Variants in EML4 observed in about 807,000 individuals in gnomAD.
EML4 encodes echinoderm microtubule-associated protein-like 4.
EML4 carries 72 observed loss-of-function variants against 129.0 expected under a neutral mutation model. The ratio of observed to expected loss-of-function variants is 0.56; its 90% confidence interval spans 0.46 to 0.68. The LOEUF is 0.68. EML4 is among the 30% of genes least tolerant of loss of function. The pLI is 0.00. For missense variants in EML4, 1,363 were observed against 1,190.6 expected (o/e 1.14, Z -2.13); for synonymous variants, 532 against 405.0 (o/e 1.31, Z -3.77).
chr2:42,287,031 T>A (rs558106721), intron 10 of EML4, among the ~76,000 whole-genome samples: 13 of 152,340 alleles, frequency 8.5e-5, no homozygotes, highest in Admixed American at 2.6e-4. Flanking sequence ...CAGTCAACCT[T>A]CTATATTTTA....
At chr2:42,258,410 TA>T (rs1319971382) in intron 3 of EML4, among the ~76,000 whole-genome samples, 19 of 151,948 alleles carry the variant, frequency 1.3e-4, no homozygotes, top group East Asian at 7.7e-4. Context: ...TATATATATA[TA>T]TTTTTTGAGA....
At position 42,304,564 on chromosome 2, in the gene EML4, A is replaced by G. The variant is rs576912790; in HGVS notation, c.1967+13A>G. The G allele has an allele frequency of 3.1e-6, 5 of 1,599,530 alleles. No homozygotes were observed. The South Asian group carries it at 5.5e-5, about 18-fold the overall frequency. On this transcript the variant is annotated intron_variant, in intron 17 of 22. Transcript: ENST00000318522. ...CGCACTCAGGCAGGTAGGGTCTTTAAGTGAACTGAGTAATCTGAAGTGGTG... is the reference window on the plus strand; with the variant it reads ...CGCACTCAGGCAGGTAGGGTCTTTAGGTGAACTGAGTAATCTGAAGTGGTG...
chr2:42,206,557 C>G (rs1181516937), intron 1 of EML4, among the ~76,000 whole-genome samples: 1 of 152,146 alleles, frequency 6.6e-6, no homozygotes, highest in East Asian at 1.9e-4. Flanking sequence ...GTCGTCTTGC[C>G]TACTTTAATC....
chr2:42,294,386 T>C (rs1667828541), intron 11 of EML4, among the ~76,000 whole-genome samples: 2 of 152,222 alleles, frequency 1.3e-5, no homozygotes, highest in Non-Finnish European at 2.9e-5. Flanking sequence ...ATCTCTAAAT[T>C]AGTCCTAATC....
At chr2:42,276,399 C>G (rs1274822266) in intron 6 of EML4, among the ~76,000 whole-genome samples, 2 of 152,144 alleles carry the variant, frequency 1.3e-5, no homozygotes, top group African/African-American at 2.4e-5. Context: ...TGTCCCCACC[C>G]TCAGTCATCA....
intron 6 of EML4, 60 bp from the exon 7 acceptor site, chr2:42,280,790 A>C: frequency 4.5e-6 from 6 of 1,333,666 alleles, no homozygotes; most frequent in Non-Finnish European, 6.2e-6. Flanking sequence ...TTAATAATCC[A>C]CTTTTGTATG....
chr2:42,229,716 A>G (rs535318764), intron 1 of EML4, among the ~76,000 whole-genome samples: 1 of 152,252 alleles, frequency 6.6e-6, no homozygotes, highest in South Asian at 2.1e-4. Context: ...AAAAAATAGT[A>G]AGAGGAAAAC....
intron 1 of EML4, among the ~76,000 whole-genome samples, chr2:42,199,707 C>T (rs909922354): frequency 6.6e-6 from 1 of 152,106 alleles, no homozygotes; most frequent in Non-Finnish European, 1.5e-5. Flanking sequence ...AAATAAGAAG[C>T]ATTGCAAATG....
chr2:42,278,573 C>CAAAAAAAA (rs35916382), intron 6 of EML4, among the ~76,000 whole-genome samples: 2 of 54,286 alleles, frequency 3.7e-5, no homozygotes, highest in Non-Finnish European at 6.4e-5. Context: ...GACTCCATCT[C>CAAAAAAAA]AAAAAAAAAA....
intron 1 of EML4, among the ~76,000 whole-genome samples, chr2:42,176,317 A>G (rs1053945064): frequency 6.6e-5 from 10 of 152,154 alleles, no homozygotes; most frequent in African/African-American, 2.2e-4. Flanking sequence ...GGATTATTGC[A>G]TGGCGTCGAG....
intron 18 of EML4, among the ~76,000 whole-genome samples, chr2:42,316,427 G>A (rs1016196457): frequency 3.9e-5 from 6 of 152,184 alleles, no homozygotes; most frequent in African/African-American, 7.2e-5. Flanking sequence ...AAATTACAGC[G>A]AAATTCAAAA....
At chr2:42,313,881 T>C (rs1321441749) in intron 17 of EML4, among the ~76,000 whole-genome samples, 1 of 150,598 alleles carries the variant, frequency 6.6e-6, no homozygotes, top group East Asian at 2.0e-4. Context: ...TGAGCCGAGA[T>C]AGTGCCACAC....
chr2:42,268,248 A>G (rs1666176887), intron 6 of EML4, among the ~76,000 whole-genome samples: 1 of 152,164 alleles, frequency 6.6e-6, no homozygotes, highest in African/African-American at 2.4e-5. Flanking sequence ...TCCCTAAACA[A>G]TACAATATAA....
chr2:42,310,831 G>T (rs1668899190), intron 17 of EML4, among the ~76,000 whole-genome samples: 1 of 152,182 alleles, frequency 6.6e-6, no homozygotes, highest in Non-Finnish European at 1.5e-5. Flanking sequence ...CCCTTGGCTA[G>T]AGGATTTGTT....
intron 1 of EML4, among the ~76,000 whole-genome samples, chr2:42,175,747 C>T (rs1424719000): frequency 2.6e-5 from 4 of 152,134 alleles, no homozygotes; most frequent in Non-Finnish European, 4.4e-5. Flanking sequence ...GATCCATCCA[C>T]CTCAGCCTCC....
intron 6 of EML4, among the ~76,000 whole-genome samples, chr2:42,269,065 G>T (rs1381217303): frequency 1.3e-5 from 2 of 152,124 alleles, no homozygotes; most frequent in Admixed American, 1.3e-4. Context: ...TCAGTACAGT[G>T]ATATCCTAAC....
chr2:42,183,507 T>A (rs1465022209), intron 1 of EML4, among the ~76,000 whole-genome samples: 1 of 152,224 alleles, frequency 6.6e-6, no homozygotes, highest in Non-Finnish European at 1.5e-5. Context: ...GTTACAACAT[T>A]GATAGCTGTC....
Position 42,196,032 on chromosome 2 carries a change from G to A in EML4, c.25+26396G>A, listed in dbSNP as rs10084442. 1.0e-3 allele frequency among the ~76,000 whole-genome samples: 156 copies of A among 152,190 alleles called. 1 individual carries two copies. The highest frequency in any genetic ancestry group is 3.6e-3 in the African/African-American group (150 of 41,526). ...TATACATTGACCAGACTTAGATATA[G>A]TATTTTATTCTCATCAAATTGAGTA... On this transcript the variant is annotated intron_variant, in intron 1 of 22. Coordinates refer to ENST00000318522, the MANE Select transcript of EML4 (RefSeq NM_019063.5).
intron 1 of EML4, among the ~76,000 whole-genome samples, chr2:42,181,677 A>AC (rs1227423297): frequency 4.6e-5 from 7 of 152,042 alleles, no homozygotes; most frequent in African/African-American, 1.7e-4. Context: ...GCAAGTAGAT[A>AC]CCCCTCTAAA....
Sources: gnomAD v4.1 joint callset for allele counts (sites outside exome capture counted in the v4.1 genomes callset) on GRCh38, gnomAD v4.1.1 for gene constraint, MANE v1.5 for transcripts, NCBI Gene and HGNC (gene_info 2026-07-23, HGNC 2026-07-21) for gene names.